The following ARHGEF11 variants were observed in gnomAD, a reference collection of about 807,000 sequenced individuals.
ARHGEF11 encodes the protein Rho guanine nucleotide exchange factor 11.
A neutral mutation model predicts 193.7 loss-of-function variants in ARHGEF11; 55 were observed. The ratio of observed to expected loss-of-function variants is 0.28; its 90% CI spans 0.23 to 0.36. The LOEUF (loss-of-function observed/expected upper bound fraction) is 0.36. Ranked by LOEUF, ARHGEF11 falls within the 10% of genes least tolerant of loss-of-function variation. The pLI is 1.00. For synonymous variants in ARHGEF11, 693 were observed against 768.0 expected, an observed-to-expected ratio of 0.90 and a Z score of 1.62; for missense variants, 1,723 against 2,005.6, an observed-to-expected ratio of 0.86 and a Z score of 2.69.
chr1:156,989,356 T>C (rs1203113139), intron 1 of ARHGEF11, among the ~76,000 whole-genome samples: 4 of 152,104 alleles, frequency 2.6e-5, no homozygotes, highest in Non-Finnish European at 4.4e-5. Context: ...CCTGGATTAC[T>C]GAAAAAAACC....
chr1:156,970,090 C>T, intron 8 of ARHGEF11, 47 bp from the exon 9 acceptor site: 1 of 1,561,386 alleles, frequency 6.4e-7, no homozygotes, highest in Non-Finnish European at 8.8e-7. Context: ...TGAGCCTCTC[C>T]CCCTACGGTT....
At chr1:157,007,339 C>T (rs1667949389) in intron 1 of ARHGEF11, among the ~76,000 whole-genome samples, 1 of 151,962 alleles carries the variant, frequency 6.6e-6, no homozygotes, top group African/African-American at 2.4e-5. Flanking sequence ...GAGTAAGAAG[C>T]ATTGAAAAGG....
intron 14 of ARHGEF11, among the ~76,000 whole-genome samples, 153 bp from the exon 15 acceptor site, chr1:156,960,613 C>T (rs1462455102): frequency 2.0e-5 from 3 of 152,182 alleles, no homozygotes; most frequent in Non-Finnish European, 4.4e-5. Context: ...CAACTGCACA[C>T]CTGAATTCTA....
At chr1:156,957,338 CA>C (rs1045837309) in intron 18 of ARHGEF11, among the ~76,000 whole-genome samples, 19 of 146,666 alleles carry the variant, frequency 1.3e-4, no homozygotes, top group South Asian at 4.3e-4. Context: ...ATATAGGCTG[CA>C]AAAAAAAAAA....
rs1372690576 is a variant in ARHGEF11 at position 156,960,471 on chromosome 1, G to T, written c.1240-11C>A. 1.9e-6 allele frequency: 3 copies of T among 1,614,088 alleles called. No individual in the cohort carries two copies. Among genetic ancestry groups the T allele is most frequent in the Non-Finnish European group, 8.5e-7 (1 of 1,179,998 alleles). ...CTTCACTCTCAGAGGCTAAAAAACA[G>T]AAGTGTGGAGCAGAAGCAGTCAGGT... On this transcript the variant is annotated splice_polypyrimidine_tract_variant and intron_variant, in intron 14 of 40. Transcript: ENST00000368194.
chr1:156,980,687 C>T (rs1484314957), intron 3 of ARHGEF11, among the ~76,000 whole-genome samples: 3 of 152,166 alleles, frequency 2.0e-5, no homozygotes, highest in East Asian at 1.9e-4. Flanking sequence ...GGTCCCATCT[C>T]CTGCTCTTCC....
At chr1:156,962,014 C>T (rs534150825) in intron 13 of ARHGEF11, among the ~76,000 whole-genome samples, 1 of 152,300 alleles carries the variant, frequency 6.6e-6, no homozygotes, top group African/African-American at 2.4e-5. Flanking sequence ...AAGCTGGGGT[C>T]AGAGTATTTC....
intron 20 of ARHGEF11, 148 bp downstream of exon 20, chr1:156,955,555 T>C (rs984428467): frequency 1.0e-5 from 7 of 687,796 alleles, no homozygotes; most frequent in Non-Finnish European, 1.3e-5. Flanking sequence ...TGCACTGGAT[T>C]TGGCAAGGGG....
chr1:156,945,014 C>T lies in ARHGEF11; in HGVS notation c.2991+5G>A. 6.2e-7 allele frequency: 1 copy of T among 1,612,882 alleles called. No homozygotes were observed. The highest frequency in any genetic ancestry group is 8.5e-7 in the Non-Finnish European group (1 of 1,179,768). On this transcript the variant is annotated splice_donor_5th_base_variant and intron_variant, in intron 30 of 40. Coordinates refer to ENST00000368194, the MANE Select transcript of ARHGEF11 (RefSeq NM_198236.3). ...GGGTTGACTGCTGCAGCCTCTGCCT[C>T]CTACCTTGAACTCTGCTGCCAGGGG...
At chr1:157,042,327 C>G (rs1356804006) in intron 1 of ARHGEF11, among the ~76,000 whole-genome samples, 2 of 152,174 alleles carry the variant, frequency 1.3e-5, no homozygotes, top group African/African-American at 4.8e-5. Flanking sequence ...TGCTGACGGG[C>G]ACTTTACCCT....
chr1:157,019,423 G>A (rs1669687367), intron 1 of ARHGEF11, among the ~76,000 whole-genome samples: 1 of 152,164 alleles, frequency 6.6e-6, no homozygotes, highest in Non-Finnish European at 1.5e-5. Context: ...CTGGGAATAG[G>A]ATACACTGCC....
chr1:157,008,920 G>A (rs1172679594), intron 1 of ARHGEF11, among the ~76,000 whole-genome samples: 2 of 152,178 alleles, frequency 1.3e-5, no homozygotes, highest in Admixed American at 6.5e-5. Context: ...TTCACAAGGT[G>A]GGGAAAGAAA....
At chr1:156,961,567 C>T (rs1660856871) in intron 14 of ARHGEF11, 110 bp downstream of exon 14, 1 of 913,672 alleles carries the variant, frequency 1.1e-6, no homozygotes, top group South Asian at 1.5e-5. Flanking sequence ...GCCTAGATTT[C>T]TCTTTAAGAA....
At chr1:157,005,095 A>G (rs1157538124) in intron 1 of ARHGEF11, among the ~76,000 whole-genome samples, 1 of 152,194 alleles carries the variant, frequency 6.6e-6, no homozygotes, top group Non-Finnish European at 1.5e-5. Context: ...CTATTCTGAA[A>G]TGTAGGGCTG....
intron 1 of ARHGEF11, among the ~76,000 whole-genome samples, chr1:157,013,652 C>A (rs2102820488): frequency 6.6e-6 from 1 of 152,184 alleles, no homozygotes; most frequent in South Asian, 2.1e-4. Context: ...ATTTTCATGA[C>A]TTTCACTCCC....
chr1:156,972,117 T>A (rs1307349572), intron 7 of ARHGEF11, among the ~76,000 whole-genome samples: 4 of 152,216 alleles, frequency 2.6e-5, no homozygotes, highest in African/African-American at 9.7e-5. Flanking sequence ...AATGAGGCCT[T>A]CTTCAGCTAC....
chr1:156,968,202 T>C, intron 10 of ARHGEF11, 78 bp from the exon 11 acceptor site: 2 of 1,502,582 alleles, frequency 1.3e-6, no homozygotes, highest in East Asian at 2.3e-5. Context: ...GTGTTGGTGG[T>C]GATAACCATA....
chr1:156,976,134 C>T (rs6680488), intron 7 of ARHGEF11, among the ~76,000 whole-genome samples: 29,650 of 152,058 alleles, frequency 0.19, 3,042 homozygotes, highest in East Asian at 0.33. Context: ...CACACACACA[C>T]GGTATCTAGC....
chr1:156,942,025 G>A, intron 33 of ARHGEF11, 36 bp from the exon 34 acceptor site: 1 of 1,613,730 alleles, frequency 6.2e-7, no homozygotes, highest in Non-Finnish European at 8.5e-7. Flanking sequence ...ACTGTAGTGA[G>A]AGCAAGATAG....
Sources: gnomAD v4.1 joint callset for allele counts (sites outside exome capture counted in the v4.1 genomes callset) on GRCh38, gnomAD v4.1.1 for gene constraint, MANE v1.5 for transcripts, NCBI Gene and HGNC (gene_info 2026-07-23, HGNC 2026-07-21) for gene names.